Variants in ENTPD5 observed in about 807,000 individuals in gnomAD.
ENTPD5 encodes ectonucleoside triphosphate diphosphohydrolase 5 (inactive).
A neutral mutation model predicts 60.2 loss-of-function variants in ENTPD5; 49 were observed. The observed-to-expected ratio is 0.81, with a 90% confidence interval of 0.65 to 1.03. The LOEUF is 1.03. ENTPD5 is among the 50% of genes least tolerant of loss of function. The probability of loss-of-function intolerance (pLI) is 0.00; values close to 1 mark genes in which losing one functional copy is unlikely to be tolerated. For synonymous variants in ENTPD5, 187 were observed against 185.4 expected, an observed-to-expected ratio of 1.01 and a Z score of -0.07; for missense variants, 480 against 507.6, an observed-to-expected ratio of 0.95 and a Z score of 0.52.
downstream of ENTPD5, chr14:73,959,800 C>T (rs748998892): frequency 9.7e-5 from 123 of 1,261,580 alleles, 1 homozygote; most frequent in Middle Eastern, 8.9e-4. Context: ...AAACTCCTGA[C>T]CTCAAGTGAT....
chr14:73,973,867 C>T lies in ENTPD5; in HGVS notation c.886+10G>A. The T allele has an allele frequency of 2.5e-6, 4 of 1,610,854 alleles. No individual in the cohort carries two copies. Among genetic ancestry groups the T allele is most frequent in the Non-Finnish European group, 3.4e-6 (4 of 1,177,010 alleles). On this transcript the variant is annotated intron_variant, in intron 12 of 15. Coordinates refer to ENST00000334696, the MANE Select transcript of ENTPD5 (RefSeq NM_001249.5). ...AACGTAACTTTAACCAGTGAAAAAA[C>T]ATCACTTGCCTTCTTGGTTGCCACC...
At chr14:73,997,074 A>G (rs1422140762) in intron 3 of ENTPD5, among the ~76,000 whole-genome samples, 1 of 152,100 alleles carries the variant, frequency 6.6e-6, no homozygotes, top group African/African-American at 2.4e-5. Context: ...TTGGAAGGGG[A>G]AAGGTGAAGG....
downstream of ENTPD5, chr14:73,960,706 C>G: frequency 1.7e-6 from 1 of 578,818 alleles, no homozygotes; most frequent in East Asian, 7.9e-5. Context: ...AATCTCCGTA[C>G]AGTGATAGAA....
At chr14:73,998,064 C>T (rs185012463) in intron 3 of ENTPD5, among the ~76,000 whole-genome samples, 10 of 152,166 alleles carry the variant, frequency 6.6e-5, no homozygotes, top group African/African-American at 1.9e-4. Context: ...GAATGAGGGT[C>T]GTGACCAACT....
intron 3 of ENTPD5, among the ~76,000 whole-genome samples, chr14:73,998,209 G>A (rs897846876): frequency 1.7e-4 from 26 of 152,222 alleles, no homozygotes; most frequent in Non-Finnish European, 3.4e-4. Context: ...AGTGTTCCTT[G>A]CAATTATCTA....
In ENTPD5 at chr14:73,988,094, A is replaced by T; in HGVS notation, c.9T>A (p.Thr3=). Residue 3 remains threonine, a synonymous_variant, in exon 4 of 16, where the codon ACT becomes ACA. Coordinates refer to ENST00000334696, the MANE Select transcript of ENTPD5 (RefSeq NM_001249.5). MA[T]SWGTVFFMLV... The stretch of plus-strand genomic sequence containing the variant: ...GCATGAAAAAGACTGTGCCCCAAGA[A>T]GTGGCCATTCTTTTCCCAAGATGTG... The T allele has an allele frequency of 6.2e-7, 1 of 1,610,128 alleles. No individual in the cohort carries two copies. The highest frequency in any genetic ancestry group is 8.5e-7 in the Non-Finnish European group (1 of 1,178,640).
At chr14:73,958,846 G>C (rs2056568649), downstream of ENTPD5, 1 of 1,544,402 alleles carries the variant, frequency 6.5e-7, no homozygotes, top group Non-Finnish European at 8.7e-7. Context: ...GAGTGAAGCA[G>C]GCCTGATGGA....
intron 6 of ENTPD5, among the ~76,000 whole-genome samples, chr14:73,977,872 G>T (rs1196882076): frequency 6.6e-6 from 1 of 152,186 alleles, no homozygotes; most frequent in East Asian, 1.9e-4. Flanking sequence ...AGAGCATGGG[G>T]AGACTCCAGA....
chr14:73,974,078 C>A, intron 11 of ENTPD5, 100 bp from the exon 12 acceptor site: 2 of 908,810 alleles, frequency 2.2e-6, no homozygotes, highest in Non-Finnish European at 3.5e-6. Flanking sequence ...ACCATGGGGG[C>A]TGGGCCTTAA....
At position 74,001,085 on chromosome 14, in the gene ENTPD5, T is replaced by C. The variant is rs139401964; in HGVS notation, c.-71+10006A>G. Among the ~76,000 whole-genome samples, 125 of 152,046 alleles carry C rather than the reference T, an allele frequency of 8.2e-4. 2 individuals are homozygous for C. The highest frequency in any genetic ancestry group is 2.8e-3 in the African/African-American group (114 of 41,416). On this transcript the variant is annotated intron_variant, in intron 3 of 15. Transcript: ENST00000334696. ...AAATTAAAAATAGCGAGGCCAGGTA[T>C]GATGACTCATGCCTGTAATCCTAGC...
chr14:73,961,426 G>T, downstream of ENTPD5: 1 of 1,613,722 alleles, frequency 6.2e-7, no homozygotes, highest in Non-Finnish European at 8.5e-7. Context: ...GCTGCCAGAG[G>T]TCACACCTGA....
At chr14:73,956,840 G>A (rs2056459301), downstream of ENTPD5, 1 of 152,118 alleles carries the variant, frequency 6.6e-6, no homozygotes. Context: ...ATATTGGATA[G>A]TAGTTCATGC....
At chr14:73,959,216 C>T (rs539213991), downstream of ENTPD5, 13 of 1,614,118 alleles carry the variant, frequency 8.1e-6, no homozygotes, top group Non-Finnish European at 1.0e-5. Flanking sequence ...GCCTATTGCT[C>T]TGCTCCCGGT....
downstream of ENTPD5, chr14:73,960,922 G>C (rs75088275): frequency 4.0e-3 from 2,369 of 585,714 alleles, 40 homozygotes; most frequent in African/African-American, 0.039. Context: ...TTGAGGGTGG[G>C]GACTAGTGAA....
At chr14:73,996,436 G>T (rs972262445) in intron 3 of ENTPD5, 1 of 150,786 alleles carries the variant, frequency 6.6e-6, no homozygotes, top group Non-Finnish European at 1.5e-5. Context: ...AAAGTTAATA[G>T]CACTTCTCAA....
chr14:73,979,034 T>C (rs1393752839), intron 6 of ENTPD5, among the ~76,000 whole-genome samples: 1 of 152,194 alleles, frequency 6.6e-6, no homozygotes, highest in Non-Finnish European at 1.5e-5. Context: ...TATCGCTCTT[T>C]CCTCTCCAGC....
intron 3 of ENTPD5, among the ~76,000 whole-genome samples, chr14:73,992,337 T>C (rs966465610): frequency 2.6e-5 from 4 of 152,094 alleles, no homozygotes; most frequent in Non-Finnish European, 4.4e-5. Context: ...CTTTGTTGAG[T>C]ATCTAGGGTT....
At chr14:73,999,027 A>G (rs1433666429) in intron 3 of ENTPD5, among the ~76,000 whole-genome samples, 1 of 152,136 alleles carries the variant, frequency 6.6e-6, no homozygotes, top group Non-Finnish European at 1.5e-5. Flanking sequence ...GAGCCTTGTC[A>G]GGACCACTCA....
chr14:74,009,303 T>C (rs545307241), intron 3 of ENTPD5: 2 of 152,306 alleles, frequency 1.3e-5, no homozygotes, highest in Admixed American at 6.5e-5. Context: ...CCCATATCCA[T>C]TGTGGGAGGC....
Sources: gnomAD v4.1 joint callset for allele counts (sites outside exome capture counted in the v4.1 genomes callset) on GRCh38, gnomAD v4.1.1 for gene constraint, MANE v1.5 for transcripts, NCBI Gene and HGNC (gene_info 2026-07-23, HGNC 2026-07-21) for gene names.